Variants in PPP2R2A observed in about 807,000 individuals in gnomAD.
PPP2R2A encodes the protein serine/threonine-protein phosphatase 2A 55 kDa regulatory subunit B alpha isoform.
PPP2R2A carries 9 observed loss-of-function variants against 53.2 expected under a neutral mutation model. The ratio of observed to expected loss-of-function variants is 0.17; its 90% CI spans 0.10 to 0.30. The LOEUF (loss-of-function observed/expected upper bound fraction) is 0.30. Among genes scored for constraint, PPP2R2A ranks in the 10% least tolerant of loss-of-function variants. The pLI is 1.00. For synonymous variants in PPP2R2A, 169 were observed against 174.2 expected (o/e 0.97, Z 0.23); for missense variants, 235 against 534.6 (o/e 0.44, Z 5.53).
At chr8:26,306,437 C>T (rs75319446) in intron 2 of PPP2R2A, among the ~76,000 whole-genome samples, 1 of 145,786 alleles carries the variant, frequency 6.9e-6, no homozygotes. Flanking sequence ...GATCGCGCCA[C>T]TGTACTGCAG....
At chr8:26,327,514 A>G (rs1428562366) in intron 2 of PPP2R2A, among the ~76,000 whole-genome samples, 2 of 152,172 alleles carry the variant, frequency 1.3e-5, no homozygotes, top group African/African-American at 4.8e-5. Context: ...GTTACAATAA[A>G]ACGTTCTTAA....
chr8:26,315,053 G>C (rs2117247091), intron 2 of PPP2R2A, among the ~76,000 whole-genome samples: 1 of 152,026 alleles, frequency 6.6e-6, no homozygotes, highest in African/African-American at 2.4e-5. Context: ...AGCAGCCCCG[G>C]TTTTATAAAT....
intron 2 of PPP2R2A, among the ~76,000 whole-genome samples, chr8:26,334,994 C>T (rs1428137171): frequency 1.3e-5 from 2 of 152,072 alleles, no homozygotes; most frequent in Non-Finnish European, 2.9e-5. Context: ...CATGGCATTC[C>T]TAAAAAGCAG....
chr8:26,295,920 A>G (rs1801522369), intron 2 of PPP2R2A, among the ~76,000 whole-genome samples: 1 of 151,730 alleles, frequency 6.6e-6, no homozygotes, highest in South Asian at 2.1e-4. Context: ...CCACCCCCCT[A>G]CCTTTAGACT....
chr8:26,341,071 ATATT>A (rs1319694336), intron 3 of PPP2R2A, among the ~76,000 whole-genome samples: 5 of 152,154 alleles, frequency 3.3e-5, no homozygotes, highest in African/African-American at 7.2e-5. Context: ...CTTCTTAACT[ATATT>A]TAAGAATTCT....
At position 26,362,619 on chromosome 8, in the gene PPP2R2A, G is replaced by C; in HGVS notation, c.638-65G>C. The C allele has an allele frequency of 6.7e-7, 1 of 1,499,772 alleles. No homozygotes were observed. The highest frequency in any genetic ancestry group is 1.2e-5 in the South Asian group (1 of 84,320). The allele number at this position is 1,499,772 out of a possible 1,614,324, so 92.9% of individuals were successfully genotyped here. A position where few individuals can be genotyped will look rare whatever the true frequency, so the allele number is the denominator to read the frequency against. ...AGGTCCATGAATGGGTTTTAGGTTT[G>C]AGAAATGTAGAATTATATTTGCCCT... On this transcript the variant is annotated intron_variant, in intron 6 of 9. Coordinates refer to ENST00000380737, the MANE Select transcript of PPP2R2A (RefSeq NM_002717.4). This position sits in a 1 kb window ranked among gnomAD's most constrained non-coding sequence, Gnocchi z 4.4.
At chr8:26,348,764 C>T (rs907228111) in intron 3 of PPP2R2A, among the ~76,000 whole-genome samples, 6 of 151,982 alleles carry the variant, frequency 3.9e-5, no homozygotes, top group African/African-American at 1.2e-4. Flanking sequence ...ATGTTTATTG[C>T]AGAAAATAGG....
chr8:26,353,563 G>T (rs148651866), intron 3 of PPP2R2A, among the ~76,000 whole-genome samples: 1 of 152,052 alleles, frequency 6.6e-6, no homozygotes, highest in South Asian at 2.1e-4. Context: ...TCCATAGGTG[G>T]TTCTTTGAAC....
At chr8:26,302,689 A>G (rs955155243) in intron 2 of PPP2R2A, among the ~76,000 whole-genome samples, 1 of 152,220 alleles carries the variant, frequency 6.6e-6, no homozygotes, top group Non-Finnish European at 1.5e-5. Context: ...TTCTTCATAT[A>G]TTTAACTGAC....
At chr8:26,351,843 G>A (rs2117371979) in intron 3 of PPP2R2A, among the ~76,000 whole-genome samples, 1 of 152,264 alleles carries the variant, frequency 6.6e-6, no homozygotes, top group South Asian at 2.1e-4. Context: ...ATGTCCTTTA[G>A]TGAATTCTGT....
chr8:26,334,861 A>G (rs942010287), intron 2 of PPP2R2A, among the ~76,000 whole-genome samples: 2 of 152,238 alleles, frequency 1.3e-5, no homozygotes, highest in Non-Finnish European at 2.9e-5. Context: ...CATGAGAAGA[A>G]TATTTTCTAA....
At chr8:26,328,954 A>C (rs1431389995) in intron 2 of PPP2R2A, among the ~76,000 whole-genome samples, 1 of 152,220 alleles carries the variant, frequency 6.6e-6, no homozygotes, top group East Asian at 1.9e-4. Flanking sequence ...GTTTGCATGA[A>C]TCTGCTAAAT....
chr8:26,342,764 C>A (rs575545020), intron 3 of PPP2R2A, among the ~76,000 whole-genome samples: 1 of 151,988 alleles, frequency 6.6e-6, no homozygotes, highest in Non-Finnish European at 1.5e-5. Flanking sequence ...ATGTGGTATT[C>A]CCAAAATTCC....
In PPP2R2A at chr8:26,360,261, A is replaced by T. The variant is rs779159658; in HGVS notation, c.439A>T (p.Thr147Ser). Residue 147 changes from threonine (T) to serine (S), a missense_variant, in exon 5 of 10, where the codon ACT (threonine) becomes TCT (serine). By Grantham distance (58) the Thr-to-Ser change is moderately conservative. This residue lies in a region of PPP2R2A where 181 missense variants were observed against 409.9 expected (regional missense o/e 0.44). Transcript: ENST00000380737. This position sits in a 1 kb window ranked among gnomAD's most constrained non-coding sequence, Gnocchi z 4.5. ...KEEDGRYRDPTTVTTLRVPVF... is the reference protein window; with the variant it reads ...KEEDGRYRDPSTVTTLRVPVF... ...GGAGGATGGAAGGTATAGAGATCCT[A>T]CTACAGTTACTACACTACGAGTAAG... 1.9e-6 allele frequency: 3 copies of T among 1,594,464 alleles called. No individual in the cohort carries two copies. The South Asian group carries it at 3.3e-5, about 18-fold the overall frequency.
At chr8:26,341,976 G>A (rs1458246120) in intron 3 of PPP2R2A, among the ~76,000 whole-genome samples, 1 of 152,128 alleles carries the variant, frequency 6.6e-6, no homozygotes, top group African/African-American at 2.4e-5. Context: ...CTTGCTGCCT[G>A]TCCGTTTATT....
In PPP2R2A at chr8:26,360,484, A is replaced by G. The variant is rs1433022094; in HGVS notation, c.459+203A>G. The G allele has an allele frequency of 5.3e-6, 2 of 375,510 alleles. No individual in the cohort carries two copies. Among genetic ancestry groups the G allele is most frequent in the South Asian group, 6.9e-5 (1 of 14,440 alleles). 23.3% of individuals were successfully genotyped at this position (375,510 alleles called of 1,614,324 possible). On this transcript the variant is annotated intron_variant, in intron 5 of 9. Transcript: ENST00000380737. This position sits in a 1 kb window ranked among gnomAD's most constrained non-coding sequence, Gnocchi z 4.5. Reference sequence around the variant, plus strand: ...TCTCACTTTGGCCAGGGACAGAAGCAGGACTCAAGCACAAGACAGTATTTC... The same window carrying G: ...TCTCACTTTGGCCAGGGACAGAAGCGGGACTCAAGCACAAGACAGTATTTC...
intron 8 of PPP2R2A, among the ~76,000 whole-genome samples, chr8:26,364,616 G>A (rs1805273544): frequency 6.6e-6 from 1 of 152,152 alleles, no homozygotes. Flanking sequence ...TCAATAGACT[G>A]GGAAGTATGT....
rs1803799541 is a variant in PPP2R2A, at chr8:26,338,868, T to G, written c.83-22T>G. 3 of 1,493,444 alleles carry G rather than the reference T, an allele frequency of 2.0e-6. No homozygotes were observed. The highest frequency in any genetic ancestry group is 2.8e-6 in the Non-Finnish European group (3 of 1,082,750). 92.5% of individuals were successfully genotyped at this position (1,493,444 alleles called of 1,614,324 possible). A position where few individuals can be genotyped will look rare whatever the true frequency, so the allele number is the denominator to read the frequency against. On this transcript the variant is annotated intron_variant, in intron 2 of 9. Transcript: ENST00000380737. This position sits in a 1 kb window ranked among gnomAD's most constrained non-coding sequence, Gnocchi z 4.5. ...GGGAAAGAAAAACTAATATCTTTTT[T>G]TGTTTTGTCTCAATTATACAGCAGA...
At chr8:26,298,868 G>C (rs985640728) in intron 2 of PPP2R2A, among the ~76,000 whole-genome samples, 4 of 152,190 alleles carry the variant, frequency 2.6e-5, no homozygotes, top group African/African-American at 9.7e-5. Flanking sequence ...AAGTCGAACA[G>C]TAAGAAATTT....
Sources: gnomAD v4.1 joint callset for allele counts (sites outside exome capture counted in the v4.1 genomes callset) on GRCh38, gnomAD v4.1.1 for gene constraint, gnomAD v4.1.1 regional missense constraint, Gnocchi (gnomAD v3.1) non-coding constraint, MANE v1.5 for transcripts, NCBI Gene and HGNC (gene_info 2026-07-23, HGNC 2026-07-21) for gene names.